Variants in POMGNT2 observed in about 807,000 individuals in gnomAD.
The protein encoded by POMGNT2 is protein O-linked mannose N-acetylglucosaminyltransferase 2 (beta 1,4-).
A neutral mutation model predicts 37.8 loss-of-function variants in POMGNT2; 32 were observed. That is an observed-to-expected ratio of 0.85 (90% confidence interval 0.64 to 1.14). The LOEUF (loss-of-function observed/expected upper bound fraction) is 1.14, where lower values mean the gene tolerates loss of function less well. Ranked by LOEUF, POMGNT2 falls within the 50% of genes most tolerant of loss-of-function variation. The pLI is 0.00. For synonymous variants in POMGNT2, 340 were observed against 336.8 expected (o/e 1.01, Z -0.10); for missense variants, 705 against 780.6 (o/e 0.90, Z 1.15).
chr3:43,083,123 T>A (rs985685408), intron 1 of POMGNT2, among the ~76,000 whole-genome samples: 1 of 152,156 alleles, frequency 6.6e-6, no homozygotes. Flanking sequence ...TATGAATATA[T>A]CATATACTCC....
chr3:43,105,629 C>T (rs1412034690), intron 1 of POMGNT2, among the ~76,000 whole-genome samples: 2 of 151,066 alleles, frequency 1.3e-5, no homozygotes, highest in Non-Finnish European at 3.0e-5. Flanking sequence ...CCCCGCCCAC[C>T]TCCCGCGCCT....
At chr3:43,084,648 CAAA>C (rs58875803) in intron 1 of POMGNT2, among the ~76,000 whole-genome samples, 3 of 117,144 alleles carry the variant, frequency 2.6e-5, no homozygotes, top group Admixed American at 8.8e-5. Flanking sequence ...GACTCCGTCT[CAAA>C]AAAAAAAAAA....
intron 1 of POMGNT2, among the ~76,000 whole-genome samples, chr3:43,101,348 C>T (rs575965804): frequency 2.0e-5 from 3 of 152,200 alleles, no homozygotes; most frequent in Non-Finnish European, 4.4e-5. Context: ...ATGGAGGAAT[C>T]AGCTACTTTG....
chr3:43,086,994 C>T (rs1353875719), intron 1 of POMGNT2, among the ~76,000 whole-genome samples: 2 of 152,078 alleles, frequency 1.3e-5, no homozygotes, highest in African/African-American at 2.4e-5. Context: ...TTAAAAGAGA[C>T]AGAAAAGGAC....
chr3:43,099,424 C>T (rs1017646359), intron 1 of POMGNT2, among the ~76,000 whole-genome samples: 3 of 152,172 alleles, frequency 2.0e-5, no homozygotes, highest in Non-Finnish European at 4.4e-5. Flanking sequence ...GTCCCAATTA[C>T]TCATGACTGC....
intron 1 of POMGNT2, among the ~76,000 whole-genome samples, chr3:43,100,217 C>T (rs1052854653): frequency 5.9e-5 from 9 of 151,858 alleles, no homozygotes; most frequent in African/African-American, 2.2e-4. Context: ...TATGTGACTT[C>T]AACCAACTGT....
intron 1 of POMGNT2, among the ~76,000 whole-genome samples, chr3:43,094,349 A>G (rs1469614429): frequency 6.6e-6 from 1 of 152,232 alleles, no homozygotes; most frequent in African/African-American, 2.4e-5. Flanking sequence ...AAAATTCACA[A>G]TGTTGGAGAA....
chr3:43,085,199 G>C (rs1442485996), intron 1 of POMGNT2, among the ~76,000 whole-genome samples: 1 of 152,190 alleles, frequency 6.6e-6, no homozygotes, highest in Non-Finnish European at 1.5e-5. Flanking sequence ...GACTATGGTA[G>C]TGAAGGACGT....
chr3:43,106,043 G>C lies in POMGNT2; in HGVS notation c.-313C>G, dbSNP rs2090057996. On this transcript the variant is annotated 5_prime_UTR_variant, in exon 1 of 2. Transcript: ENST00000344697. ...CCAGGCTCGCAGGTGTCCGCCGTGC[G>C]CCTGCCCGGCGGGCGAGCCCGGCGC... The C allele has an allele frequency of 6.6e-6, 1 of 151,630 alleles. No homozygotes were observed. The highest frequency in any genetic ancestry group is 2.4e-5 in the African/African-American group (1 of 41,294). The allele number at this position is 151,630 out of a possible 1,614,324, so 9.4% of individuals were successfully genotyped here.
chr3:43,095,856 G>A (rs977218481), intron 1 of POMGNT2, among the ~76,000 whole-genome samples: 1 of 152,074 alleles, frequency 6.6e-6, no homozygotes, highest in Non-Finnish European at 1.5e-5. Context: ...AGGGAGGAGC[G>A]AGCCCAAATA....
chr3:43,081,175 T>A lies in POMGNT2; in HGVS notation c.257A>T (p.Tyr86Phe). The change falls in exon 2 of 2, where the codon TAC (tyrosine) becomes TTC (phenylalanine). Residue 86 changes from tyrosine (Y) to phenylalanine (F), a missense_variant. Physicochemically the swap from Tyr to Phe is conservative, Grantham distance 22 (BLOSUM62 3). Transcript: ENST00000344697. ...GATGAACTCCTCAGCCTCGTTGGAG[T>A]AGCAGAGCCACTTGAAGCGGCAGAT... The part of the protein sequence containing the change: ...DRICRFKWLC[Y>F]SNEAEEFIFF... 1 of 1,613,988 alleles carries A rather than the reference T, an allele frequency of 6.2e-7. No individual in the cohort carries two copies. Among genetic ancestry groups the A allele is most frequent in the African/African-American group, 1.3e-5 (1 of 74,984 alleles).
At chr3:43,100,990 T>C (rs2090014697) in intron 1 of POMGNT2, among the ~76,000 whole-genome samples, 1 of 152,294 alleles carries the variant, frequency 6.6e-6, no homozygotes, top group East Asian at 1.9e-4. Context: ...CTATACTGTG[T>C]AGGATGCTAG....
At chr3:43,095,254 C>G (rs921344654) in intron 1 of POMGNT2, among the ~76,000 whole-genome samples, 1 of 152,184 alleles carries the variant, frequency 6.6e-6, no homozygotes, top group African/African-American at 2.4e-5. Flanking sequence ...ATGGGCCTCC[C>G]AGGATAATAC....
chr3:43,099,072 T>C (rs978605408), intron 1 of POMGNT2, among the ~76,000 whole-genome samples: 21 of 151,992 alleles, frequency 1.4e-4, no homozygotes, highest in Admixed American at 1.4e-3. Context: ...ACCTCTGTTG[T>C]GTGGCTCACA....
chr3:43,091,776 A>G (rs1273467075), intron 1 of POMGNT2, among the ~76,000 whole-genome samples: 1 of 152,216 alleles, frequency 6.6e-6, no homozygotes, highest in Non-Finnish European at 1.5e-5. Flanking sequence ...CTGAGACAAG[A>G]CCTCACTTCT....
chr3:43,096,529 G>A (rs1416754796), intron 1 of POMGNT2, among the ~76,000 whole-genome samples: 4 of 152,134 alleles, frequency 2.6e-5, no homozygotes, highest in Non-Finnish European at 5.9e-5. Context: ...ACAGAATGGA[G>A]GCAGGATCTG....
chr3:43,085,289 A>G (rs2089888586), intron 1 of POMGNT2, among the ~76,000 whole-genome samples: 1 of 152,110 alleles, frequency 6.6e-6, no homozygotes, highest in African/African-American at 2.4e-5. Flanking sequence ...ACCCCTAGGC[A>G]AAGGTGGAAG....
chr3:43,086,251 C>A (rs1249764454), intron 1 of POMGNT2, among the ~76,000 whole-genome samples: 3 of 152,128 alleles, frequency 2.0e-5, no homozygotes, highest in Non-Finnish European at 2.9e-5. Flanking sequence ...TTTCTTATTT[C>A]TTCTGTATAT....
Position 43,080,691 on chromosome 3 carries a change from A to C in POMGNT2, c.741T>G (p.Phe247Leu), listed in dbSNP as rs1559414419. The C allele has an allele frequency of 6.2e-7, 1 of 1,614,180 alleles. No individual in the cohort carries two copies. The highest frequency in any genetic ancestry group is 1.7e-5 in the Admixed American group (1 of 60,030). Residue 247 changes from phenylalanine (F) to leucine (L), a missense_variant, in exon 2 of 2, where the codon TTT becomes TTG. Coordinates refer to ENST00000344697, the MANE Select transcript of POMGNT2 (RefSeq NM_032806.6). ...SKITTWYQYG[F>L]VQPQGPKANI... Reference sequence around the variant, plus strand: ...TGGCCTTCGGGCCCTGGGGCTGCACAAAGCCATACTGGTACCAGGTAGTGA... The same window carrying C: ...TGGCCTTCGGGCCCTGGGGCTGCACCAAGCCATACTGGTACCAGGTAGTGA...
Sources: allele counts gnomAD v4.1 joint callset (sites outside exome capture counted in the v4.1 genomes callset), GRCh38; gene constraint gnomAD v4.1.1; transcripts MANE v1.5; gene names NCBI Gene and HGNC (gene_info 2026-07-23, HGNC 2026-07-21).